Variants in OR10K2 observed in about 807,000 individuals in gnomAD.
OR10K2 encodes olfactory receptor family 10 subfamily K member 2, also known as olfactory receptor 10K2.
For missense variants in OR10K2, 401 were observed against 367.1 expected (o/e 1.09, Z -0.76); for synonymous variants, 169 against 146.4 (o/e 1.15, Z -1.11).
chr1:158,424,768 G>T (rs1216124719), intron 1 of OR10K2, among the ~76,000 whole-genome samples: 1 of 86,296 alleles, frequency 1.2e-5, no homozygotes, highest in Non-Finnish European at 2.7e-5. Flanking sequence ...GTGAGAAAGG[G>T]AAAGCAGTAT....
Position 158,420,320 on chromosome 1 carries a change from G to A in OR10K2, c.547C>T (p.Pro183Ser), listed in dbSNP as rs549288316. The A allele has an allele frequency of 6.2e-7, 1 of 1,613,832 alleles. No individual in the cohort carries two copies. The highest frequency in any genetic ancestry group is 2.2e-5 in the East Asian group (1 of 44,830). ...TGGTGAGATGCCAGCTTGAGGACAG[G>A]AGCAATGTCACAGAAGAAGTGATGT... ...QLHHFFCDIA[P>S]VLKLASHHNH... Residue 183 changes from proline (P) to serine (S), a missense_variant, in exon 2 of 2, where the codon CCT becomes TCT. By Grantham distance (74) the Pro-to-Ser change is moderately conservative. Coordinates refer to ENST00000641042, the MANE Select transcript of OR10K2 (RefSeq NM_001004476.2).
Position 158,420,070 on chromosome 1 carries a change from T to C in OR10K2, c.797A>G (p.Tyr266Cys). The C allele has an allele frequency of 6.2e-7, 1 of 1,613,380 alleles. No individual in the cohort carries two copies. The highest frequency in any genetic ancestry group is 8.5e-7 in the Non-Finnish European group (1 of 1,179,760). The part of the protein sequence containing the change: ...SFIYLRPQSN[Y>C]SSSQDALISV... ...TATTAGAGCATCCTGGCTTGAGGAGTAGTTGGACTGAGGCCTTAAGTAGAT... is the reference window on the plus strand; with the variant it reads ...TATTAGAGCATCCTGGCTTGAGGAGCAGTTGGACTGAGGCCTTAAGTAGAT... Residue 266 changes from tyrosine to cysteine, a missense_variant, in exon 2 of 2, where the codon TAC (tyrosine) becomes TGC (cysteine). Physicochemically the swap from Tyr to Cys is radical, Grantham distance 194. Coordinates refer to ENST00000641042, the MANE Select transcript of OR10K2 (RefSeq NM_001004476.2).
At chr1:158,424,255 A>G (rs1655210741) in intron 1 of OR10K2, among the ~76,000 whole-genome samples, 2 of 152,100 alleles carry the variant, frequency 1.3e-5, no homozygotes, top group African/African-American at 4.8e-5. Context: ...ACAAAGGCCC[A>G]TGAAACAAGA....
chr1:158,420,380 C>A lies in OR10K2; in HGVS notation c.487G>T (p.Val163Leu), dbSNP rs780082086. 6.2e-7 allele frequency: 1 copy of A among 1,613,844 alleles called. No homozygotes were observed. The highest frequency in any genetic ancestry group is 8.5e-7 in the Non-Finnish European group (1 of 1,179,924). ...GAGGAATAAAAAGGCAGGTGAAATA[C>A]CAAGGATGTGATGATCTGTGCAACA... ...FTVAQIITSL[V>L]FHLPFYSSNQ... The change falls in exon 2 of 2, where the codon GTA becomes TTA. Residue 163 changes from valine to leucine, a missense_variant. Val to Leu is a conservative substitution (Grantham distance 32). Transcript: ENST00000641042.
rs1242595238 is a variant in OR10K2 at position 158,420,046 on chromosome 1, A to G, written c.821T>C (p.Ile274Thr). The G allele has an allele frequency of 5.0e-6, 8 of 1,613,644 alleles. No homozygotes were observed. The highest frequency in any genetic ancestry group is 6.8e-6 in the Non-Finnish European group (8 of 1,179,824). ...SNYSSSQDAL[I>T]SVSYTIITPL... Reference sequence around the variant, plus strand: ...AGTTATAATAGTGTAGGATACTGATATTAGAGCATCCTGGCTTGAGGAGTA... The same window carrying G: ...AGTTATAATAGTGTAGGATACTGATGTTAGAGCATCCTGGCTTGAGGAGTA... The change falls in exon 2 of 2, where the codon ATA (isoleucine) becomes ACA (threonine). Residue 274 changes from isoleucine to threonine, a missense_variant. By Grantham distance (89) the Ile-to-Thr change is moderately conservative. Transcript: ENST00000641042.
chr1:158,424,751 G>A (rs958099100), intron 1 of OR10K2, among the ~76,000 whole-genome samples: 1 of 151,924 alleles, frequency 6.6e-6, no homozygotes, highest in African/African-American at 2.4e-5. Flanking sequence ...GTGTGTGTGT[G>A]TGTGTGGTGA....
intron 1 of OR10K2, among the ~76,000 whole-genome samples, chr1:158,425,419 A>T (rs573261752): frequency 1.3e-5 from 2 of 152,180 alleles, no homozygotes; most frequent in South Asian, 4.1e-4. Flanking sequence ...CCTTCTGAAG[A>T]TATTTGTTTC....
At chr1:158,423,189 C>T (rs563401100) in intron 1 of OR10K2, among the ~76,000 whole-genome samples, 1 of 151,198 alleles carries the variant, frequency 6.6e-6, no homozygotes, top group African/African-American at 2.4e-5. Context: ...AATCACCCTC[C>T]TCCTCCTCTA....
In OR10K2 at chr1:158,420,814, G is replaced by A; in HGVS notation, c.53C>T (p.Ser18Leu). Reference sequence around the variant, plus strand: ...CAGCTGCTGCAGCCTGGCCAGGGATGAGAAGCCGAGGAAGATGACCTCTCT... The same window carrying A: ...CAGCTGCTGCAGCCTGGCCAGGGATAAGAAGCCGAGGAAGATGACCTCTCT... ...VVREVIFLGF[S>L]SLARLQQLLF... Residue 18 changes from serine (S) to leucine (L), a missense_variant, in exon 2 of 2, where the codon TCA becomes TTA. Coordinates refer to ENST00000641042, the MANE Select transcript of OR10K2 (RefSeq NM_001004476.2). The A allele has an allele frequency of 6.2e-7, 1 of 1,613,666 alleles. No homozygotes were observed. Among genetic ancestry groups the A allele is most frequent in the Non-Finnish European group, 8.5e-7 (1 of 1,179,838 alleles).
chr1:158,418,996 C>T lies in OR10K2; in HGVS notation c.*932G>A, dbSNP rs754867216. The stretch of plus-strand genomic sequence containing the variant: ...TAGGTCTTGTCATTAATCCATTCCC[C>T]TGTGAATATCTTCAGGGTATGCTGA... On this transcript the variant is annotated 3_prime_UTR_variant, in exon 2 of 2. Transcript: ENST00000641042. 26 of 152,100 alleles carry T rather than the reference C, an allele frequency of 1.7e-4. No homozygotes were observed. Among genetic ancestry groups the T allele is most frequent in the Non-Finnish European group, 4.4e-5 (3 of 68,004 alleles). 9.4% of individuals were successfully genotyped at this position (152,100 alleles called of 1,614,324 possible).
chr1:158,422,922 T>C (rs1368556367), intron 1 of OR10K2, among the ~76,000 whole-genome samples: 2 of 152,096 alleles, frequency 1.3e-5, no homozygotes, highest in Non-Finnish European at 2.9e-5. Context: ...ATATCTTGTA[T>C]ACATCCTTGA....
Position 158,420,163 on chromosome 1 carries a change from C to T in OR10K2, c.704G>A (p.Cys235Tyr). Residue 235 changes from cysteine to tyrosine, a missense_variant, in exon 2 of 2, where the codon TGC (cysteine) becomes TAC (tyrosine). Cys to Tyr is a radical substitution (Grantham distance 194, BLOSUM62 -2). Transcript: ENST00000641042. The part of the protein sequence containing the change: ...ILQFPSTLGR[C>Y]KAFSTCVSHL... ...AGATACACAGGTAGAAAAAGCTTTG[C>T]ACCTACCCAGTGTGGAAGGAAACTG... 6.2e-7 allele frequency: 1 copy of T among 1,613,644 alleles called. No homozygotes were observed. Among genetic ancestry groups the T allele is most frequent in the Non-Finnish European group, 8.5e-7 (1 of 1,179,850 alleles).
Position 158,420,246 on chromosome 1 carries a change from C to A in OR10K2, c.621G>T (p.Leu207=), listed in dbSNP as rs763063679. The A allele has an allele frequency of 1.2e-6, 2 of 1,613,752 alleles. No individual in the cohort carries two copies. Among genetic ancestry groups the A allele is most frequent in the Non-Finnish European group, 1.7e-6 (2 of 1,179,868 alleles). ...CCAAGATCAACAATAAGGGGATAGC[C>A]AGGACCAATGTACAGAGCATGAAGA... ...IVIFMLCTLV[L]AIPLLLILVS... Residue 207 remains leucine (L), a synonymous_variant, in exon 2 of 2, where the codon CTG becomes CTT. Transcript: ENST00000641042.
Position 158,420,930 on chromosome 1 carries a change from G to A in OR10K2, c.-61-3C>T. 7.0e-7 allele frequency: 1 copy of A among 1,430,816 alleles called. No homozygotes were observed. The highest frequency in any genetic ancestry group is 2.3e-5 in the Admixed American group (1 of 43,468). The allele number at this position is 1,430,816 out of a possible 1,614,324, so 88.6% of individuals were successfully genotyped here. On this transcript the variant is annotated splice_region_variant and splice_polypyrimidine_tract_variant and intron_variant, in intron 1 of 1. Coordinates refer to ENST00000641042, the MANE Select transcript of OR10K2 (RefSeq NM_001004476.2). ...GGAGTCAGCACCAAAAGAAATCCCTGAAAATAAGTAGATTCACAGAAAATT... is the reference window on the plus strand; with the variant it reads ...GGAGTCAGCACCAAAAGAAATCCCTAAAAATAAGTAGATTCACAGAAAATT...
Position 158,419,950 on chromosome 1 carries a change from C to G in OR10K2, c.917G>C (p.Arg306Thr). The G allele has an allele frequency of 6.2e-7, 1 of 1,610,284 alleles. No homozygotes were observed. ...EFKSALCKIV[R>T]RTISLL ...ATTTTACAACAGGGAAATTGTTCTT[C>G]TCACAATTTTACAAAGAGCTGATTT... Residue 306 changes from arginine (R) to threonine (T), a missense_variant, in exon 2 of 2, where the codon AGA becomes ACA. Coordinates refer to ENST00000641042, the MANE Select transcript of OR10K2 (RefSeq NM_001004476.2).
rs892437852 is a variant in OR10K2 at position 158,418,403 on chromosome 1, T to C, written c.*1525A>G. On this transcript the variant is annotated 3_prime_UTR_variant, in exon 2 of 2. Transcript: ENST00000641042. ...ATTTACTTTTCATGAATCAACTTGATATGCTAGAGGCCTGGGGTGGGCAAT... is the reference window on the plus strand; with the variant it reads ...ATTTACTTTTCATGAATCAACTTGACATGCTAGAGGCCTGGGGTGGGCAAT... 2 of 152,110 alleles carry C rather than the reference T, an allele frequency of 1.3e-5. No individual in the cohort carries two copies. The highest frequency in any genetic ancestry group is 2.9e-5 in the Non-Finnish European group (2 of 68,010). The allele number at this position is 152,110 out of a possible 1,614,324, so 9.4% of individuals were successfully genotyped here. A position where few individuals can be genotyped will look rare whatever the true frequency, so the allele number is the denominator to read the frequency against.
chr1:158,420,957 A>T (rs1655144140), intron 1 of OR10K2, 30 bp from the exon 2 acceptor site: 12 of 1,151,888 alleles, frequency 1.0e-5, no homozygotes, highest in Non-Finnish European at 1.2e-5. Context: ...CAGAAAATTG[A>T]TCATCAGCAT....
chr1:158,424,242 T>C (rs1257576080), intron 1 of OR10K2, among the ~76,000 whole-genome samples: 1 of 152,054 alleles, frequency 6.6e-6, no homozygotes, highest in Non-Finnish European at 1.5e-5. Flanking sequence ...AAAATGTAAG[T>C]TTACAAAGGC....
chr1:158,420,331 CAGA>C lies in OR10K2; in HGVS notation c.533_535del (p.Phe178del), dbSNP rs1240152635. 5 of 1,613,722 alleles carry C rather than the reference CAGA, an allele frequency of 3.1e-6. No homozygotes were observed. The highest frequency in any genetic ancestry group is 4.2e-6 in the Non-Finnish European group (5 of 1,179,902). On this transcript the variant is annotated inframe_deletion, in exon 2 of 2. Coordinates refer to ENST00000641042, the MANE Select transcript of OR10K2 (RefSeq NM_001004476.2). ...CAGCTTGAGGACAGGAGCAATGTCA[CAGA>C]AGAAGTGATGTAGTTGATTGGAGGA...
Sources: allele counts gnomAD v4.1 joint callset (sites outside exome capture counted in the v4.1 genomes callset), GRCh38; gene constraint gnomAD v4.1.1; transcripts MANE v1.5; gene names NCBI Gene and HGNC (gene_info 2026-07-23, HGNC 2026-07-21).